Variants in ZNF215 observed in about 807,000 individuals in gnomAD.
ZNF215 encodes the protein BWSCR2-associated zinc finger protein 2.
Under a neutral mutation model 27.2 loss-of-function variants are expected in ZNF215, and 24 were observed. The ratio of observed to expected loss-of-function variants is 0.88; its 90% CI spans 0.64 to 1.24. The LOEUF is 1.24. ZNF215 is among the 50% of genes most tolerant of loss of function. The pLI is 0.00. For synonymous variants in ZNF215, 210 were observed against 204.0 expected (o/e 1.03, Z -0.25); for missense variants, 675 against 605.7 (o/e 1.11, Z -1.20).
chr11:6,949,478 G>T (rs987313620), intron 6 of ZNF215, among the ~76,000 whole-genome samples: 146 of 152,174 alleles, frequency 9.6e-4, no homozygotes, highest in African/African-American at 3.1e-3. Flanking sequence ...GTGGTTTTGA[G>T]TTGCATTTCT....
downstream of ZNF215, among the ~76,000 whole-genome samples, chr11:6,993,431 C>A (rs1003140582): frequency 2.6e-5 from 4 of 152,170 alleles, no homozygotes; most frequent in Admixed American, 1.3e-4. Flanking sequence ...TTTCTAAATA[C>A]TGCACTATGC....
chr11:6,932,049 T>G (rs112015920), intron 2 of ZNF215, 45 bp from the exon 3 acceptor site: 1 of 486,560 alleles, frequency 2.1e-6, no homozygotes, highest in Non-Finnish European at 3.6e-6. Flanking sequence ...AACACTATGC[T>G]AATAGATGTT....
chr11:6,956,284 C>A lies in ZNF215; in HGVS notation c.1307C>A (p.Thr436Lys), dbSNP rs142017219. The A allele has an allele frequency of 5.0e-6, 8 of 1,614,144 alleles. No individual in the cohort carries two copies. Among genetic ancestry groups the A allele is most frequent in the Non-Finnish European group, 6.8e-6 (8 of 1,180,022 alleles). Residue 436 changes from threonine to lysine, a missense_variant, in exon 7 of 7, where the codon ACA becomes AAA. Thr to Lys is a moderately conservative substitution (Grantham distance 78). Transcript: ENST00000278319. The stretch of plus-strand genomic sequence containing the variant: ...CTTCATGCTGAAGCAAAGGCCTGCA[C>A]AAGCAATAAATGTGGAAAGGCCTTC... ...QKLHAEAKAC[T>K]SNKCGKAFSK... is the part of the protein sequence containing the mutation.
At chr11:6,958,113 T>A (rs1233900194), downstream of ZNF215, 1 of 964,990 alleles carries the variant, frequency 1.0e-6, no homozygotes, top group Non-Finnish European at 1.2e-6. Flanking sequence ...AAGTAATTGA[T>A]ATAGAAATTC....
chr11:6,991,074 C>G (rs1308572610), downstream of ZNF215, among the ~76,000 whole-genome samples: 8 of 152,214 alleles, frequency 5.3e-5, no homozygotes. Context: ...CTTTTCAAAG[C>G]TTTCCAGCCT....
At chr11:6,942,901 A>G (rs1849679033) in intron 4 of ZNF215, among the ~76,000 whole-genome samples, 182 bp from the exon 5 acceptor site, 1 of 152,124 alleles carries the variant, frequency 6.6e-6, no homozygotes, top group African/African-American at 2.4e-5. Context: ...TATAGTACCA[A>G]TTTGTTTGGC....
At chr11:6,974,112 T>C (rs1850780230) in intron 5 of ZNF215, among the ~76,000 whole-genome samples, 1 of 152,166 alleles carries the variant, frequency 6.6e-6, no homozygotes, top group Admixed American at 6.6e-5. Context: ...TTTCTACATA[T>C]GGCTAGCCAG....
intron 6 of ZNF215, among the ~76,000 whole-genome samples, chr11:6,946,350 C>T (rs1364500447): frequency 6.6e-6 from 1 of 152,180 alleles, no homozygotes; most frequent in South Asian, 2.1e-4. Flanking sequence ...GCCTACTTCT[C>T]CAATCTCACC....
intron 2 of ZNF215, among the ~76,000 whole-genome samples, chr11:6,928,755 C>T (rs1308400179): frequency 6.6e-6 from 1 of 152,070 alleles, no homozygotes; most frequent in Non-Finnish European, 1.5e-5. Context: ...ATGTTACTTT[C>T]AAAGTATCTG....
chr11:6,957,793 C>T lies in ZNF215; in HGVS notation c.*1262C>T. 1.0e-6 allele frequency: 1 copy of T among 985,382 alleles called. No individual in the cohort carries two copies. The highest frequency in any genetic ancestry group is 1.2e-6 in the Non-Finnish European group (1 of 829,912). The allele number at this position is 985,382 out of a possible 1,614,324, so 61.0% of individuals were successfully genotyped here. Reference sequence around the variant, plus strand: ...GAGACGTCCATAGCCTTAGGTATATCATTTATACCAGACATTATGAAGTTA... The same window carrying T: ...GAGACGTCCATAGCCTTAGGTATATTATTTATACCAGACATTATGAAGTTA... On this transcript the variant is annotated 3_prime_UTR_variant, in exon 7 of 7. Transcript: ENST00000278319.
exon 6 of ZNF215, chr11:6,984,369 A>G (rs1851020211): frequency 5.8e-6 from 1 of 173,760 alleles, no homozygotes; most frequent in African/African-American, 2.4e-5. Flanking sequence ...TCAGCCTCCT[A>G]AAGTGCTGGG....
intron 5 of ZNF215, among the ~76,000 whole-genome samples, chr11:6,981,760 T>C (rs1283064995): frequency 2.0e-5 from 3 of 152,222 alleles, no homozygotes; most frequent in Non-Finnish European, 4.4e-5. Flanking sequence ...TTTAAGTCTT[T>C]AATCCATCTT....
intron 5 of ZNF215, among the ~76,000 whole-genome samples, chr11:6,967,390 C>T (rs967913409): frequency 6.6e-6 from 1 of 152,178 alleles, no homozygotes; most frequent in Non-Finnish European, 1.5e-5. Context: ...CACTGTCTTC[C>T]ACAATGGTTG....
intron 3 of ZNF215, among the ~76,000 whole-genome samples, chr11:6,938,948 G>A (rs546118335): frequency 6.6e-6 from 1 of 152,186 alleles, no homozygotes; most frequent in East Asian, 1.9e-4. Flanking sequence ...AGAGAATGAA[G>A]TGACTTCACT....
chr11:6,937,749 AAAT>A (rs1412532525), intron 3 of ZNF215, among the ~76,000 whole-genome samples: 1 of 151,832 alleles, frequency 6.6e-6, no homozygotes, highest in Non-Finnish European at 1.5e-5. Context: ...TTAAATGAGA[AAAT>A]AATAGTTTTT....
chr11:6,988,277 G>A, downstream of ZNF215: 2 of 984,744 alleles, frequency 2.0e-6, no homozygotes, highest in African/African-American at 1.7e-5. Context: ...AGATGGGGAT[G>A]GCAGACTCAG....
chr11:6,928,066 A>G (rs1190320727), intron 2 of ZNF215, among the ~76,000 whole-genome samples: 1 of 152,078 alleles, frequency 6.6e-6, no homozygotes. Flanking sequence ...TTTGAATTTT[A>G]AAGTAGGTGA....
At chr11:6,981,788 AG>A (rs1292163228) in intron 5 of ZNF215, among the ~76,000 whole-genome samples, 1 of 152,000 alleles carries the variant, frequency 6.6e-6, no homozygotes, top group Non-Finnish European at 1.5e-5. Context: ...TTTTTGTATA[AG>A]GTGTAAGGAA....
chr11:6,975,349 G>T (rs551098998), intron 5 of ZNF215, among the ~76,000 whole-genome samples: 5 of 152,032 alleles, frequency 3.3e-5, no homozygotes, highest in South Asian at 4.2e-4. Context: ...GGAGAGTAGG[G>T]TATCCATCCC....
Sources: gnomAD v4.1 joint callset for allele counts (sites outside exome capture counted in the v4.1 genomes callset) on GRCh38, gnomAD v4.1.1 for gene constraint, MANE v1.5 for transcripts, NCBI Gene and HGNC (gene_info 2026-07-23, HGNC 2026-07-21) for gene names.